The following NAV2 variants were observed in gnomAD, a reference collection of about 807,000 sequenced individuals.
NAV2 encodes helicase, APC down-regulated 1.
NAV2 carries 54 observed loss-of-function variants against 223.2 expected under a neutral mutation model. That is an observed-to-expected ratio of 0.24 (90% CI 0.19 to 0.30). The LOEUF (loss-of-function observed/expected upper bound fraction) is 0.30, where lower values mean the gene tolerates loss of function less well. NAV2 is among the 10% of genes least tolerant of loss of function. The pLI, the probability that NAV2 is intolerant of heterozygous loss-of-function variation, is 1.00. For synonymous variants in NAV2, 1,279 were observed against 1,239.3 expected (o/e 1.03, Z -0.67); for missense variants, 2,806 against 3,147.5 (o/e 0.89, Z 2.60).
intron 1 of NAV2, among the ~76,000 whole-genome samples, chr11:19,408,210 T>A (rs1259354567): frequency 1.3e-5 from 2 of 152,128 alleles, no homozygotes; most frequent in African/African-American, 4.8e-5. Context: ...TGTGTGGACA[T>A]CCAATACACA....
At chr11:19,818,197 G>GT (rs1366598341) in intron 1 of NAV2, among the ~76,000 whole-genome samples, 19 of 126,488 alleles carry the variant, frequency 1.5e-4, no homozygotes, top group Non-Finnish European at 2.9e-4. Flanking sequence ...AATAACTCAT[G>GT]TTTTTTTCCT....
At chr11:19,808,285 C>T (rs990262206) in intron 1 of NAV2, among the ~76,000 whole-genome samples, 5 of 152,156 alleles carry the variant, frequency 3.3e-5, no homozygotes, top group Admixed American at 3.3e-4. Context: ...GTTGCATCAC[C>T]ACTCCATGGG....
chr11:19,605,551 AG>A lies in NAV2; in HGVS notation c.76-226932del, dbSNP rs1428664026. On this transcript the variant is annotated intron_variant, in intron 1 of 37. Transcript: ENST00000360655. The stretch of plus-strand genomic sequence containing the variant: ...AATATTATTTAAAAAAAAAAAAAAA[AG>A]AAAGTCATGAAAAGCTGCATAAGCT... 1.8e-3 allele frequency among the ~76,000 whole-genome samples: 269 copies of A among 150,856 alleles called. 4 individuals carry two copies. The highest frequency in any genetic ancestry group is 6.3e-3 in the African/African-American group (258 of 40,982).
intron 11 of NAV2, among the ~76,000 whole-genome samples, chr11:20,006,776 TG>T (rs1263910592): frequency 1.3e-5 from 2 of 151,862 alleles, no homozygotes; most frequent in African/African-American, 4.8e-5. Context: ...CACTTGAGCC[TG>T]GGAGATTGAG....
chr11:19,510,578 G>A (rs2043246811), intron 1 of NAV2, among the ~76,000 whole-genome samples: 1 of 152,228 alleles, frequency 6.6e-6, no homozygotes, highest in Non-Finnish European at 1.5e-5. Flanking sequence ...ACAGGTGAGA[G>A]GAGGTTAATT....
chr11:19,752,541 A>AT (rs1008804431), intron 1 of NAV2, among the ~76,000 whole-genome samples: 1 of 152,098 alleles, frequency 6.6e-6, no homozygotes, highest in South Asian at 2.1e-4. Context: ...CCTTTTAGTC[A>AT]TTTTTTTCCT....
intron 1 of NAV2, among the ~76,000 whole-genome samples, chr11:19,358,715 T>A (rs1360532417): frequency 1.3e-5 from 2 of 152,176 alleles, no homozygotes; most frequent in Non-Finnish European, 2.9e-5. Context: ...GTCTGCTTCT[T>A]AGGTGAGTAA....
intron 1 of NAV2, among the ~76,000 whole-genome samples, chr11:19,429,891 C>T (rs1306843053): frequency 2.6e-5 from 4 of 152,226 alleles, no homozygotes; most frequent in Non-Finnish European, 4.4e-5. Flanking sequence ...ACTCACTTCC[C>T]TGTCACTTGG....
chr11:19,702,146 T>C (rs1161141812), intron 1 of NAV2, among the ~76,000 whole-genome samples: 1 of 152,208 alleles, frequency 6.6e-6, no homozygotes, highest in Admixed American at 6.5e-5. Flanking sequence ...GATTTCCTAG[T>C]CCTTGTGCTC....
Position 19,955,402 on chromosome 11 carries a change from T to A in NAV2, c.2645+6322T>A, listed in dbSNP as rs539000866. ...AAGACCTTGTCTGAGAAAAAAAAAA[T>A]GTCAAATGAATGCTACAACTAACTT... On this transcript the variant is annotated intron_variant, in intron 10 of 37. Coordinates refer to ENST00000349880, the MANE Select transcript of NAV2 (RefSeq NM_145117.5). Among the ~76,000 whole-genome samples, 642 of 137,110 alleles carry A rather than the reference T, an allele frequency of 4.7e-3. 4 individuals are homozygous for A. The highest frequency in any genetic ancestry group is 0.016 in the African/African-American group (579 of 36,974). 89.9% of individuals were successfully genotyped at this position (137,110 alleles called of 152,430 possible). A position where few individuals can be genotyped will look rare whatever the true frequency, so the allele number is the denominator to read the frequency against.
intron 1 of NAV2, among the ~76,000 whole-genome samples, chr11:19,758,656 G>A (rs2152529563): frequency 6.6e-6 from 1 of 152,332 alleles, no homozygotes; most frequent in African/African-American, 2.4e-5. Flanking sequence ...CAGGTTGCAG[G>A]GGAGCGGGGT....
intron 11 of NAV2, among the ~76,000 whole-genome samples, chr11:20,034,069 G>T (rs2056079189): frequency 1.3e-5 from 2 of 152,322 alleles, no homozygotes; most frequent in Middle Eastern, 3.4e-3. Context: ...TCTGGTGTGT[G>T]CTGAGAATTG....
chr11:19,765,827 C>T (rs914299396), intron 1 of NAV2, among the ~76,000 whole-genome samples: 3 of 152,138 alleles, frequency 2.0e-5, no homozygotes, highest in Non-Finnish European at 4.4e-5. Context: ...CAGAAGCTCT[C>T]CTTGGAGAAG....
intron 26 of NAV2, among the ~76,000 whole-genome samples, chr11:20,088,915 C>G (rs2060633567): frequency 6.6e-6 from 1 of 151,830 alleles, no homozygotes; most frequent in Admixed American, 6.6e-5. Flanking sequence ...AAATTTTGTT[C>G]AGACTTTACA....
intron 1 of NAV2, among the ~76,000 whole-genome samples, chr11:19,445,714 GC>G (rs1292820673): frequency 2.0e-5 from 3 of 151,622 alleles, no homozygotes; most frequent in Non-Finnish European, 4.4e-5. Context: ...TAGCTCTGTG[GC>G]TTTTGGCAGC....
chr11:20,049,754 G>C, intron 15 of NAV2, 82 bp from the exon 16 acceptor site: 1 of 1,376,908 alleles, frequency 7.3e-7, no homozygotes, highest in Non-Finnish European at 1.0e-6. Flanking sequence ...CATGGGGAAT[G>C]AAAAAAATGT....
intron 1 of NAV2, among the ~76,000 whole-genome samples, chr11:19,678,586 A>G (rs979125362): frequency 6.6e-6 from 1 of 152,196 alleles, no homozygotes; most frequent in African/African-American, 2.4e-5. Flanking sequence ...AACATCACAT[A>G]TAGAACCCGC....
intron 12 of NAV2, among the ~76,000 whole-genome samples, chr11:20,040,288 G>A (rs575781360): frequency 1.1e-4 from 17 of 152,260 alleles, no homozygotes; most frequent in Admixed American, 8.5e-4. Flanking sequence ...CAAGACAAAG[G>A]CAGGATAAAT....
At chr11:20,107,589 C>T (rs878970715) in intron 35 of NAV2, 75 bp from the exon 36 acceptor site, 27 of 1,199,158 alleles carry the variant, frequency 2.3e-5, no homozygotes, top group Middle Eastern at 2.0e-4. Flanking sequence ...GAAGGGTGCT[C>T]GGACCATGGC....
Sources: allele counts gnomAD v4.1 joint callset (sites outside exome capture counted in the v4.1 genomes callset), GRCh38; gene constraint gnomAD v4.1.1; transcripts MANE v1.5; gene names NCBI Gene and HGNC (gene_info 2026-07-23, HGNC 2026-07-21).